TRAPPC13: variants seen among roughly 807,000 people sequenced by gnomAD.
TRAPPC13 encodes REV7-interacting novel NHEJ regulator 1.
In TRAPPC13, 39 loss-of-function variants were observed where a neutral mutation model predicts 54.0. The ratio of observed to expected loss-of-function variants is 0.72; its 90% CI spans 0.56 to 0.94. TRAPPC13 has a LOEUF of 0.94. Ranked by LOEUF, TRAPPC13 falls within the 40% of genes least tolerant of loss-of-function variation. TRAPPC13 has a pLI of 0.00. For synonymous variants in TRAPPC13, 148 were observed against 167.7 expected, an observed-to-expected ratio of 0.88 and a Z score of 0.91; for missense variants, 386 against 488.1, an observed-to-expected ratio of 0.79 and a Z score of 1.97.
chr5:65,651,194 G>T (rs1162312775), intron 6 of TRAPPC13, among the ~76,000 whole-genome samples: 1 of 152,194 alleles, frequency 6.6e-6, no homozygotes, highest in Non-Finnish European at 1.5e-5. Context: ...GCAAAGTGGG[G>T]AGGATCACTT....
chr5:65,664,224 A>T lies in TRAPPC13; in HGVS notation c.999-13A>T. 6.2e-7 allele frequency: 1 copy of T among 1,611,296 alleles called. No homozygotes were observed. Among genetic ancestry groups the T allele is most frequent in the Non-Finnish European group, 8.5e-7 (1 of 1,178,686 alleles). Reference sequence around the variant, plus strand: ...AACAAGATTTATTCCTATTATTCTGATTCCTCCAGCAGTGAAAGGACTATG... The same window carrying T: ...AACAAGATTTATTCCTATTATTCTGTTTCCTCCAGCAGTGAAAGGACTATG... On this transcript the variant is annotated splice_polypyrimidine_tract_variant and intron_variant, in intron 11 of 12. Transcript: ENST00000399438.
intron 6 of TRAPPC13, among the ~76,000 whole-genome samples, 180 bp downstream of exon 6, chr5:65,651,062 G>C (rs1561772955): frequency 6.6e-6 from 1 of 152,164 alleles, no homozygotes; most frequent in Non-Finnish European, 1.5e-5. Flanking sequence ...AATAAAAGCA[G>C]AAGAATTATC....
intron 9 of TRAPPC13, among the ~76,000 whole-genome samples, chr5:65,659,140 T>A (rs956765637): frequency 1.3e-5 from 2 of 152,198 alleles, no homozygotes; most frequent in Non-Finnish European, 2.9e-5. Context: ...TTTTATTGTT[T>A]TTGGTTTTTG....
intron 4 of TRAPPC13, among the ~76,000 whole-genome samples, chr5:65,643,674 G>C (rs188047407): frequency 5.3e-5 from 8 of 151,822 alleles, no homozygotes; most frequent in Non-Finnish European, 8.8e-5. Context: ...AAAATTAGCC[G>C]GGTGTGATGG....
In TRAPPC13 at chr5:65,664,340, C is replaced by G; in HGVS notation, c.1102C>G (p.Leu368Val). 6.2e-7 allele frequency: 1 copy of G among 1,613,982 alleles called. No homozygotes were observed. The highest frequency in any genetic ancestry group is 8.5e-7 in the Non-Finnish European group (1 of 1,179,876). ...QLGKLHPSSS[L>V]CLALTLLSSV... ...GGGAAAGCTGCATCCAAGTTCTTCG[C>G]TCTGTCTTGCCCTTACTCTGCTTTC... The change falls in exon 12 of 13, where the codon CTC becomes GTC. Residue 368 changes from leucine (L) to valine (V), a missense_variant. Leu to Val is a conservative substitution (Grantham distance 32). Coordinates refer to ENST00000399438, the MANE Select transcript of TRAPPC13 (RefSeq NM_024941.4).
Position 65,664,914 on chromosome 5 carries a change from T to C in TRAPPC13, c.*303T>C. 1 of 360,924 alleles carries C rather than the reference T, an allele frequency of 2.8e-6. No homozygotes were observed. The highest frequency in any genetic ancestry group is 5.0e-6 in the Non-Finnish European group (1 of 198,142). The allele number at this position is 360,924 out of a possible 1,614,324, so 22.4% of individuals were successfully genotyped here. ...GACCATTTGTCCCTAGCAAGTTATC[T>C]AGAACACGAGTCAGCACACTTTTTA... is the stretch of plus-strand genomic sequence containing the variant. On this transcript the variant is annotated 3_prime_UTR_variant, in exon 13 of 13. Transcript: ENST00000399438.
intron 1 of TRAPPC13, chr5:65,625,517 T>A (rs1755173040): frequency 5.2e-6 from 1 of 191,344 alleles, no homozygotes; most frequent in Admixed American, 5.9e-5. Flanking sequence ...ATGACAGTAG[T>A]GCAGAGAATT....
chr5:65,649,556 T>C (rs927487067), intron 5 of TRAPPC13, among the ~76,000 whole-genome samples: 2 of 152,200 alleles, frequency 1.3e-5, no homozygotes, highest in Non-Finnish European at 2.9e-5. Flanking sequence ...TATTTTAACG[T>C]GTTTCTCTGA....
intron 5 of TRAPPC13, among the ~76,000 whole-genome samples, chr5:65,650,274 G>A (rs1277018048): frequency 6.8e-6 from 1 of 147,124 alleles, no homozygotes; most frequent in South Asian, 2.2e-4. Flanking sequence ...CGATTCTCCT[G>A]CCTCAGCCTC....
chr5:65,659,978 AAAAAAAAAAAAAGAAG>A (rs1336026004), intron 9 of TRAPPC13, among the ~76,000 whole-genome samples: 23 of 150,854 alleles, frequency 1.5e-4, no homozygotes, highest in African/African-American at 4.9e-4. Context: ...AAAAAAAAAA[AAAAAAAAAAAAAGAAG>A]AAGAAGAAGA....
chr5:65,646,868 G>C (rs1756230071), intron 4 of TRAPPC13, among the ~76,000 whole-genome samples, 187 bp from the exon 5 acceptor site: 1 of 151,640 alleles, frequency 6.6e-6, no homozygotes, highest in Non-Finnish European at 1.5e-5. Flanking sequence ...GGGTTGGGGG[G>C]GTGTGCCATT....
intron 7 of TRAPPC13, among the ~76,000 whole-genome samples, chr5:65,653,607 G>A (rs1280000396): frequency 4.6e-5 from 7 of 152,118 alleles, no homozygotes; most frequent in Admixed American, 4.6e-4. Flanking sequence ...ATGTGATCTT[G>A]GAATAGTTTA....
rs1755728412 is a variant in TRAPPC13, at chr5:65,635,926, G to A, written c.116-18G>A. ...TAAAGGGTAGATGTTAGAATTTTATGTTTTTCTCTTCATTCAGGAGATCTC... is the reference window on the plus strand; with the variant it reads ...TAAAGGGTAGATGTTAGAATTTTATATTTTTCTCTTCATTCAGGAGATCTC... On this transcript the variant is annotated intron_variant, in intron 2 of 12. Coordinates refer to ENST00000399438, the MANE Select transcript of TRAPPC13 (RefSeq NM_024941.4). 8 of 1,506,452 alleles carry A rather than the reference G, an allele frequency of 5.3e-6. No individual in the cohort carries two copies. The highest frequency in any genetic ancestry group is 1.2e-5 in the South Asian group (1 of 80,938). The allele number at this position is 1,506,452 out of a possible 1,614,324, so 93.3% of individuals were successfully genotyped here.
At chr5:65,626,553 T>G (rs1045738756) in intron 1 of TRAPPC13, among the ~76,000 whole-genome samples, 2 of 152,100 alleles carry the variant, frequency 1.3e-5, no homozygotes, top group East Asian at 1.9e-4. Flanking sequence ...CTGGCTAACA[T>G]AGTGAAACCC....
intron 9 of TRAPPC13, 27 bp from the exon 10 acceptor site, chr5:65,660,672 C>T: frequency 6.5e-7 from 1 of 1,531,634 alleles, no homozygotes; most frequent in Middle Eastern, 1.8e-4. Flanking sequence ...AGAGAATTTT[C>T]TCCGTCTCTG....
At chr5:65,634,368 CAATT>C (rs574907551) in intron 1 of TRAPPC13, among the ~76,000 whole-genome samples, 3 of 151,964 alleles carry the variant, frequency 2.0e-5, no homozygotes, top group Non-Finnish European at 2.9e-5. Context: ...ATTAATAAGT[CAATT>C]AGTTGATTAT....
At chr5:65,643,923 T>C (rs1756083037) in intron 4 of TRAPPC13, among the ~76,000 whole-genome samples, 1 of 152,140 alleles carries the variant, frequency 6.6e-6, no homozygotes, top group South Asian at 2.1e-4. Flanking sequence ...ATTAAAAATA[T>C]TCAAGTAGAT....
rs751610675 is a variant in TRAPPC13 at position 65,652,591 on chromosome 5, C to T, written c.546+46C>T. On this transcript the variant is annotated intron_variant, in intron 7 of 12. Transcript: ENST00000399438. ...GGGATTTCATATTAAACATTAAGAT[C>T]GTATTTGACTAAAAATCTCTTATAT... 14 of 1,345,812 alleles carry T rather than the reference C, an allele frequency of 1.0e-5. No individual in the cohort carries two copies. The East Asian group carries it at 3.2e-4, about 31-fold the overall frequency. 83.4% of individuals were successfully genotyped at this position (1,345,812 alleles called of 1,614,324 possible). A position where few individuals can be genotyped will look rare whatever the true frequency, so the allele number is the denominator to read the frequency against.
intron 10 of TRAPPC13, 121 bp downstream of exon 10, chr5:65,661,018 C>T (rs1756833606): frequency 2.7e-6 from 2 of 739,310 alleles, no homozygotes; most frequent in East Asian, 2.8e-5. Flanking sequence ...ATTACTACTA[C>T]TGGAGCAGAA....
Sources: gnomAD v4.1 joint callset for allele counts (sites outside exome capture counted in the v4.1 genomes callset) on GRCh38, gnomAD v4.1.1 for gene constraint, MANE v1.5 for transcripts, NCBI Gene and HGNC (gene_info 2026-07-23, HGNC 2026-07-21) for gene names.